The following OR1J2 variants were observed in gnomAD, a reference collection of about 807,000 sequenced individuals.
OR1J2 encodes the protein olfactory receptor 1J2.
For missense variants in OR1J2, 304 were observed against 246.1 expected (o/e 1.24, Z -1.57); for synonymous variants, 142 against 99.7 (o/e 1.42, Z -2.52).
At chr9:122,477,052 A>C in the OR1J2 span, 1 of 1,614,110 alleles carries the variant, frequency 6.2e-7, no homozygotes, top group Non-Finnish European at 8.5e-7. Context: ...TTTATTTCTC[A>C]GACTGTAAAT....
the OR1J2 span, among the ~76,000 whole-genome samples, chr9:122,544,971 TAA>T: frequency 6.6e-6 from 1 of 152,176 alleles, no homozygotes; most frequent in Non-Finnish European, 1.5e-5. Flanking sequence ...TTCAAGCATT[TAA>T]AGCAATAAAT....
At chr9:122,467,644 C>T in the OR1J2 span, among the ~76,000 whole-genome samples, 1 of 152,084 alleles carries the variant, frequency 6.6e-6, no homozygotes, top group South Asian at 2.1e-4. Flanking sequence ...TATTAAACAG[C>T]CACTAAACCA....
chr9:122,571,900 A>G, the OR1J2 span, among the ~76,000 whole-genome samples: 1 of 152,126 alleles, frequency 6.6e-6, no homozygotes, highest in Non-Finnish European at 1.5e-5. Flanking sequence ...TTACACTGCT[A>G]TAAAGAAATA....
At chr9:122,514,309 A>G (rs528193276), downstream of OR1J2, among the ~76,000 whole-genome samples, 19 of 152,182 alleles carry the variant, frequency 1.2e-4, no homozygotes, top group East Asian at 2.1e-3. Context: ...TTCAGTGTCT[A>G]TTGCTCCCAT....
At chr9:122,466,897 C>T in the OR1J2 span, among the ~76,000 whole-genome samples, 1 of 152,250 alleles carries the variant, frequency 6.6e-6, no homozygotes, top group Non-Finnish European at 1.5e-5. Flanking sequence ...CGGCACACAG[C>T]AACCTCTGCC....
chr9:122,465,106 G>A, the OR1J2 span, among the ~76,000 whole-genome samples: 1 of 152,070 alleles, frequency 6.6e-6, no homozygotes, highest in Non-Finnish European at 1.5e-5. Context: ...ATTCTATGAG[G>A]GATGTCAGTA....
At chr9:122,511,812 ATG>A (rs35842388), downstream of OR1J2, 9,765 of 749,288 alleles carry the variant, frequency 0.013, 599 homozygotes, top group African/African-American at 0.14. Context: ...CCATTTGAAT[ATG>A]TCTCAAAACA....
At chr9:122,543,731 C>T in the OR1J2 span, among the ~76,000 whole-genome samples, 1 of 152,108 alleles carries the variant, frequency 6.6e-6, no homozygotes, top group African/African-American at 2.4e-5. Flanking sequence ...ACTTCCTACC[C>T]ATAAGGTCTA....
chr9:122,535,861 AG>A, the OR1J2 span, among the ~76,000 whole-genome samples: 1 of 152,054 alleles, frequency 6.6e-6, no homozygotes, highest in African/African-American at 2.4e-5. Context: ...AAAGGGAGAT[AG>A]GGGTGGGGCC....
the OR1J2 span, among the ~76,000 whole-genome samples, chr9:122,485,635 A>C: frequency 6.6e-6 from 1 of 152,246 alleles, no homozygotes; most frequent in Non-Finnish European, 1.5e-5. Flanking sequence ...GTTTCAAGTT[A>C]AGTTTTCCTG....
the OR1J2 span, among the ~76,000 whole-genome samples, chr9:122,460,139 G>A: frequency 6.6e-6 from 1 of 151,280 alleles, no homozygotes; most frequent in Non-Finnish European, 1.5e-5. Flanking sequence ...CCTTTTTATG[G>A]CTGAGCAGTA....
chr9:122,536,894 C>A, the OR1J2 span, among the ~76,000 whole-genome samples: 1 of 152,136 alleles, frequency 6.6e-6, no homozygotes, highest in Non-Finnish European at 1.5e-5. Context: ...TTTCCGGGTT[C>A]TCTATTCTGT....
chr9:122,477,831 C>G, the OR1J2 span: 1 of 1,613,942 alleles, frequency 6.2e-7, no homozygotes, highest in Non-Finnish European at 8.5e-7. Flanking sequence ...GGTACATGCC[C>G]AGGAACAGGG....
the OR1J2 span, among the ~76,000 whole-genome samples, chr9:122,487,792 A>G: frequency 6.6e-6 from 1 of 152,236 alleles, no homozygotes; most frequent in Non-Finnish European, 1.5e-5. Flanking sequence ...ATTTCCCTTA[A>G]TATTCCCAGT....
the OR1J2 span, among the ~76,000 whole-genome samples, chr9:122,487,543 T>G: frequency 1.3e-5 from 2 of 152,006 alleles, no homozygotes; most frequent in Non-Finnish European, 2.9e-5. Context: ...CAGTGATAAA[T>G]TCAAATATTG....
At position 122,511,156 on chromosome 9, in the gene OR1J2, G is replaced by A. The variant is rs41277120; in HGVS notation, c.355G>A (p.Ala119Thr). Reference protein sequence around the residue: ...DLDSFLITSMAYDRYVAICHP... With the variant: ...DLDSFLITSMTYDRYVAICHP... ...GGACAGCTTCCTTATTACATCAATG[G>A]CATATGACCGATATGTTGCCATATG... The change falls in exon 1 of 1, where the codon GCA becomes ACA. Residue 119 changes from alanine (A) to threonine (T), a missense_variant. Physicochemically the swap from Ala to Thr is moderately conservative, Grantham distance 58 (BLOSUM62 0). Transcript: ENST00000335302. 0.043 allele frequency: 31,557 copies of A among 734,756 alleles called. 2,839 individuals carry two copies. The highest frequency in any genetic ancestry group is 0.34 in the East Asian group (13,769 of 40,666). 45.5% of individuals were successfully genotyped at this position (734,756 alleles called of 1,614,324 possible). A position where few individuals can be genotyped will look rare whatever the true frequency, so the allele number is the denominator to read the frequency against.
At chr9:122,463,797 A>G in the OR1J2 span, among the ~76,000 whole-genome samples, 1 of 152,174 alleles carries the variant, frequency 6.6e-6, no homozygotes, top group South Asian at 2.1e-4. Flanking sequence ...TCTCTCCGCC[A>G]CAGATAACCA....
the OR1J2 span, among the ~76,000 whole-genome samples, chr9:122,550,973 T>G: frequency 6.6e-6 from 1 of 152,030 alleles, no homozygotes; most frequent in Non-Finnish European, 1.5e-5. Flanking sequence ...AAAGTATCTT[T>G]GTTTGCTGAT....
At chr9:122,449,435 T>C in the OR1J2 span, among the ~76,000 whole-genome samples, 5 of 152,306 alleles carry the variant, frequency 3.3e-5, no homozygotes, top group East Asian at 9.7e-4. Flanking sequence ...AGTGGTGCGA[T>C]CTCGGCTTAC....
Sources: allele counts gnomAD v4.1 joint callset (sites outside exome capture counted in the v4.1 genomes callset), GRCh38; gene constraint gnomAD v4.1.1; transcripts MANE v1.5; gene names NCBI Gene and HGNC (gene_info 2026-07-23, HGNC 2026-07-21).